The following CNTN5 variants were observed in gnomAD, a reference collection of about 807,000 sequenced individuals.
The protein encoded by CNTN5 is contactin 5.
CNTN5 carries 77 observed loss-of-function variants against 129.1 expected under a neutral mutation model. The ratio of observed to expected loss-of-function variants is 0.60; its 90% confidence interval spans 0.50 to 0.72. The LOEUF (loss-of-function observed/expected upper bound fraction) is 0.72. CNTN5 is among the 30% of genes least tolerant of loss of function. The pLI, the probability that CNTN5 is intolerant of heterozygous loss-of-function variation, is 0.00. For missense variants in CNTN5, 1,478 were observed against 1,328.8 expected (o/e 1.11, Z -1.75); for synonymous variants, 509 against 465.6 (o/e 1.09, Z -1.20).
rs1225569174 is a variant in CNTN5, at chr11:99,966,161, C to T, written c.877+9152C>T. Among the ~76,000 whole-genome samples the T allele has an allele frequency of 3.3e-5, 5 of 152,256 alleles. No individual in the cohort carries two copies. In the East Asian group the frequency reaches 7.7e-4, roughly 24 times the overall value. On this transcript the variant is annotated intron_variant, in intron 8 of 24. Transcript: ENST00000524871. ...ATTTCAAGAACATTGTGTTTTTACACTTCTCTGAAAAAATGTAGACCTTTC... is the reference window on the plus strand; with the variant it reads ...ATTTCAAGAACATTGTGTTTTTACATTTCTCTGAAAAAATGTAGACCTTTC...
chr11:99,341,814 C>CAT (rs1361488392), intron 2 of CNTN5, among the ~76,000 whole-genome samples: 2 of 152,266 alleles, frequency 1.3e-5, no homozygotes, highest in African/African-American at 4.8e-5. Context: ...TAGAAACCTT[C>CAT]ATGAACAGGC....
chr11:99,982,315 C>T (rs74619259), intron 8 of CNTN5, among the ~76,000 whole-genome samples: 1,630 of 152,082 alleles, frequency 0.011, 29 homozygotes, highest in African/African-American at 0.034. Context: ...CAACAGGGAA[C>T]CACTGATGTT....
At chr11:99,888,241 AAGG>A (rs1214349631) in intron 6 of CNTN5, among the ~76,000 whole-genome samples, 1 of 152,190 alleles carries the variant, frequency 6.6e-6, no homozygotes, top group Non-Finnish European at 1.5e-5. Flanking sequence ...CTGAATTGCT[AAGG>A]AGAAGGGATG....
chr11:99,344,766 T>C (rs1189348206), intron 2 of CNTN5, among the ~76,000 whole-genome samples: 1 of 152,184 alleles, frequency 6.6e-6, no homozygotes, highest in East Asian at 1.9e-4. Flanking sequence ...GTGAAATGAC[T>C]GACTTTGGAG....
intron 13 of CNTN5, among the ~76,000 whole-genome samples, chr11:100,155,751 T>G (rs982596963): frequency 6.6e-6 from 1 of 150,640 alleles, no homozygotes; most frequent in Non-Finnish European, 1.5e-5. Context: ...TAAGTTGTAT[T>G]CCTAGGTATT....
intron 11 of CNTN5, among the ~76,000 whole-genome samples, chr11:100,071,216 G>C (rs1943909150): frequency 6.6e-6 from 1 of 151,952 alleles, no homozygotes; most frequent in African/African-American, 2.4e-5. Context: ...ATCTGTGTTA[G>C]TTTTTTGGGA....
intron 13 of CNTN5, among the ~76,000 whole-genome samples, chr11:100,142,352 ATCTCTCT>A (rs1404457605): frequency 2.6e-5 from 4 of 151,950 alleles, no homozygotes; most frequent in African/African-American, 9.7e-5. Context: ...CTATCTGTTG[ATCTCTCT>A]TCTATCTTTC....
chr11:99,596,459 C>T (rs1382505846), intron 3 of CNTN5, among the ~76,000 whole-genome samples: 1 of 152,140 alleles, frequency 6.6e-6, no homozygotes, highest in African/African-American at 2.4e-5. Context: ...TTATTTAACA[C>T]ACATTCATTC....
intron 17 of CNTN5, among the ~76,000 whole-genome samples, chr11:100,269,636 A>T (rs1045129685): frequency 1.3e-5 from 2 of 152,134 alleles, no homozygotes. Context: ...GAGATTAAGT[A>T]TATAGGGGAT....
intron 2 of CNTN5, among the ~76,000 whole-genome samples, chr11:99,426,448 T>A (rs1208263888): frequency 6.6e-6 from 1 of 152,212 alleles, no homozygotes; most frequent in Non-Finnish European, 1.5e-5. Flanking sequence ...GCTAAATATG[T>A]TTCTCAATTC....
chr11:99,445,230 G>C (rs1944015058), intron 2 of CNTN5, among the ~76,000 whole-genome samples: 1 of 151,036 alleles, frequency 6.6e-6, no homozygotes, highest in African/African-American at 2.4e-5. Flanking sequence ...ATATATGTAT[G>C]TATATATCCT....
chr11:99,900,057 G>A (rs1438769039), intron 6 of CNTN5, among the ~76,000 whole-genome samples: 3 of 151,834 alleles, frequency 2.0e-5, no homozygotes, highest in Non-Finnish European at 4.4e-5. Flanking sequence ...CGGTTGTGAT[G>A]TCATCTTGAT....
chr11:100,036,304 T>C (rs1387859170), intron 9 of CNTN5, among the ~76,000 whole-genome samples: 1 of 152,050 alleles, frequency 6.6e-6, no homozygotes, highest in Non-Finnish European at 1.5e-5. Flanking sequence ...TTCTGAGGGC[T>C]CTGTTCTGTT....
At chr11:100,274,495 G>A (rs1448962790) in intron 18 of CNTN5, among the ~76,000 whole-genome samples, 1 of 152,082 alleles carries the variant, frequency 6.6e-6, no homozygotes, top group Non-Finnish European at 1.5e-5. Context: ...CTAATATCCA[G>A]CATCTATAAG....
intron 13 of CNTN5, among the ~76,000 whole-genome samples, chr11:100,165,924 G>A (rs1287651599): frequency 6.6e-6 from 1 of 151,702 alleles, no homozygotes; most frequent in African/African-American, 2.4e-5. Context: ...ACATAACTAA[G>A]GAAGGATTTT....
intron 3 of CNTN5, among the ~76,000 whole-genome samples, chr11:99,617,494 GTC>G (rs1298966145): frequency 6.6e-6 from 1 of 152,098 alleles, no homozygotes; most frequent in African/African-American, 2.4e-5. Context: ...GGCTATATTA[GTC>G]CATAGAAAAG....
Position 99,761,727 on chromosome 11 carries a change from G to A in CNTN5, c.56-57817G>A, listed in dbSNP as rs534658023. Among the ~76,000 whole-genome samples, 333 of 149,372 alleles carry A rather than the reference G, an allele frequency of 2.2e-3. 1 individual carries two copies. Among genetic ancestry groups the A allele is most frequent in the African/African-American group, 7.2e-3 (293 of 40,484 alleles). ...GTGAATAATGCCGCAATAAACATAC[G>A]TGTGCATGTGTCTTTATAGCAGCAT... On this transcript the variant is annotated intron_variant, in intron 3 of 24. Coordinates refer to ENST00000524871, the MANE Select transcript of CNTN5 (RefSeq NM_014361.4).
At position 99,803,014 on chromosome 11, in the gene CNTN5, G is replaced by C. The variant is rs1406244515; in HGVS notation, c.56-16530G>C. ...TGCACCACAGTCTGTGTTCAGGAAG[G>C]GTGTGGAGGCTCAAGCTGGTGATCC... On this transcript the variant is annotated intron_variant, in intron 3 of 24. Transcript: ENST00000524871. 2.0e-5 allele frequency among the ~76,000 whole-genome samples: 3 copies of C among 151,986 alleles called. No homozygotes were observed. In the South Asian group the frequency reaches 6.2e-4, roughly 32 times the overall value.
At chr11:99,877,323 T>C (rs1018537634) in intron 6 of CNTN5, among the ~76,000 whole-genome samples, 6 of 152,278 alleles carry the variant, frequency 3.9e-5, no homozygotes, top group East Asian at 3.9e-4. Context: ...CCAGATCCCA[T>C]TGGGAGTAAA....
Sources: gnomAD v4.1 joint callset for allele counts (sites outside exome capture counted in the v4.1 genomes callset) on GRCh38, gnomAD v4.1.1 for gene constraint, MANE v1.5 for transcripts, NCBI Gene and HGNC (gene_info 2026-07-23, HGNC 2026-07-21) for gene names.